Variants in EREG observed in about 807,000 individuals in gnomAD.
EREG encodes the protein proepiregulin.
A neutral mutation model predicts 22.4 loss-of-function variants in EREG; 23 were observed. The ratio of observed to expected loss-of-function variants is 1.03; its 90% CI spans 0.74 to 1.46. The LOEUF is 1.46. Among genes scored for constraint, EREG ranks in the 40% most tolerant of loss-of-function variants. The pLI is 0.00. For missense variants in EREG, 226 were observed against 205.9 expected (o/e 1.10, Z -0.60); for synonymous variants, 100 against 75.4 (o/e 1.33, Z -1.69).
At chr4:74,376,700 C>T (rs1021470898) in intron 1 of EREG, among the ~76,000 whole-genome samples, 4 of 152,190 alleles carry the variant, frequency 2.6e-5, no homozygotes, top group Admixed American at 6.5e-5. Context: ...GGGGATAATT[C>T]TGAACTTTAA....
chr4:74,384,707 T>C lies in EREG; in HGVS notation c.429-20T>C. On this transcript the variant is annotated intron_variant, in intron 4 of 4. Transcript: ENST00000244869. Reference sequence around the variant, plus strand: ...GCTATTAACTGCAGTGCTAACAGTTTCGTTTGTGAATATTTCCAGGTACAG... The same window carrying C: ...GCTATTAACTGCAGTGCTAACAGTTCCGTTTGTGAATATTTCCAGGTACAG... 1 of 1,489,550 alleles carries C rather than the reference T, an allele frequency of 6.7e-7. No individual in the cohort carries two copies. Among genetic ancestry groups the C allele is most frequent in the Middle Eastern group, 1.7e-4 (1 of 5,828 alleles). The allele number at this position is 1,489,550 out of a possible 1,614,324, so 92.3% of individuals were successfully genotyped here. A position where few individuals can be genotyped will look rare whatever the true frequency, so the allele number is the denominator to read the frequency against.
rs1347883820 is a variant in EREG at position 74,381,006 on chromosome 4, T to C, written c.155-8T>C. Reference sequence around the variant, plus strand: ...CAGAATATATTCAACTTTCCACTTCTTTTACAGTTCAGACAGAAGACAATC... The same window carrying C: ...CAGAATATATTCAACTTTCCACTTCCTTTACAGTTCAGACAGAAGACAATC... On this transcript the variant is annotated splice_region_variant and splice_polypyrimidine_tract_variant and intron_variant, in intron 2 of 4. Coordinates refer to ENST00000244869, the MANE Select transcript of EREG (RefSeq NM_001432.3). The C allele has an allele frequency of 1.2e-6, 2 of 1,610,368 alleles. No homozygotes were observed. Among genetic ancestry groups the C allele is most frequent in the Non-Finnish European group, 1.7e-6 (2 of 1,178,796 alleles).
chr4:74,379,391 A>G (rs1752435772), intron 1 of EREG, 57 bp from the exon 2 acceptor site: 4 of 1,091,016 alleles, frequency 3.7e-6, no homozygotes, highest in South Asian at 2.5e-5. Flanking sequence ...TAGAAATTTG[A>G]TCAAGATTTC....
chr4:74,383,246 T>C (rs1752510167), intron 4 of EREG, among the ~76,000 whole-genome samples: 1 of 152,186 alleles, frequency 6.6e-6, no homozygotes, highest in African/African-American at 2.4e-5. Context: ...TGTAATATGA[T>C]ATTTCATGTG....
At chr4:74,384,118 T>C (rs1752528227) in intron 4 of EREG, among the ~76,000 whole-genome samples, 1 of 152,188 alleles carries the variant, frequency 6.6e-6, no homozygotes, top group South Asian at 2.1e-4. Context: ...ATGATAAATC[T>C]ATGAATCCTA....
At chr4:74,375,828 G>A (rs536548548) in intron 1 of EREG, among the ~76,000 whole-genome samples, 1 of 152,128 alleles carries the variant, frequency 6.6e-6, no homozygotes, top group African/African-American at 2.4e-5. Flanking sequence ...AATTAATTTT[G>A]CTGTTTTCTT....
chr4:74,382,045 C>T (rs148522811), intron 3 of EREG: 1,634 of 145,574 alleles, frequency 0.011, 16 homozygotes, highest in African/African-American at 0.025. Context: ...TGGCTCAACC[C>T]TGTAACCCCA....
At chr4:74,380,402 C>T (rs997332314) in intron 2 of EREG, among the ~76,000 whole-genome samples, 16 of 152,226 alleles carry the variant, frequency 1.1e-4, no homozygotes, top group African/African-American at 3.9e-4. Context: ...ACAAAGGCTC[C>T]TATTTTCATT....
At chr4:74,373,141 C>T (rs570227295) in intron 1 of EREG, among the ~76,000 whole-genome samples, 39 of 151,920 alleles carry the variant, frequency 2.6e-4, no homozygotes, top group African/African-American at 8.9e-4. Context: ...GAAATACTTC[C>T]GTTATGAACA....
intron 1 of EREG, among the ~76,000 whole-genome samples, chr4:74,372,974 A>ATTTTTT (rs35483998): frequency 9.5e-5 from 6 of 63,150 alleles, no homozygotes; most frequent in African/African-American, 4.0e-4. Flanking sequence ...CATCTGGCTA[A>ATTTTTT]TTTTTTTTTT....
chr4:74,379,413 C>A, intron 1 of EREG, 35 bp from the exon 2 acceptor site: 2 of 1,235,962 alleles, frequency 1.6e-6, no homozygotes, highest in Non-Finnish European at 2.4e-6. Flanking sequence ...TTCCTTAACA[C>A]ATTAGTTATA....
chr4:74,379,045 AC>A (rs1416480192), intron 1 of EREG, among the ~76,000 whole-genome samples: 3 of 152,184 alleles, frequency 2.0e-5, no homozygotes, highest in Admixed American at 2.0e-4. Context: ...GTAAGTGGAA[AC>A]CGATTTTTTA....
chr4:74,388,570 C>T lies in EREG; in HGVS notation c.*3762C>T, dbSNP rs1010391855. On this transcript the variant is annotated 3_prime_UTR_variant, in exon 5 of 5. Transcript: ENST00000244869. ...TAACTTATTTGACTATGAATGTTAT[C>T]GGATTACTGAATTGTATCAATTTGT... 4.6e-5 allele frequency: 7 copies of T among 152,398 alleles called. No homozygotes were observed. Among genetic ancestry groups the T allele is most frequent in the East Asian group, 1.9e-4 (1 of 5,194 alleles). 9.4% of individuals were successfully genotyped at this position (152,398 alleles called of 1,614,324 possible).
At chr4:74,379,779 C>A (rs56197135) in intron 2 of EREG, among the ~76,000 whole-genome samples, 1,968 of 152,160 alleles carry the variant, frequency 0.013, 43 homozygotes, top group African/African-American at 0.045. Context: ...ACAACAACAA[C>A]AAAAAATTGC....
rs1752607629 is a variant in EREG, at chr4:74,388,368, A to T, written c.*3560A>T. The T allele has an allele frequency of 6.6e-6, 1 of 152,414 alleles. No homozygotes were observed. Among genetic ancestry groups the T allele is most frequent in the African/African-American group, 2.4e-5 (1 of 41,458 alleles). The allele number at this position is 152,414 out of a possible 1,614,324, so 9.4% of individuals were successfully genotyped here. A position where few individuals can be genotyped will look rare whatever the true frequency, so the allele number is the denominator to read the frequency against. ...TGTATATTTTAATGTTTTTAAAAAG[A>T]GTAATTTCATTTAAATATCTGTTAT... On this transcript the variant is annotated 3_prime_UTR_variant, in exon 5 of 5. Transcript: ENST00000244869.
Position 74,366,491 on chromosome 4 carries a change from G to A in EREG, c.67+1116G>A, listed in dbSNP as rs76621578. The stretch of plus-strand genomic sequence containing the variant: ...GATATGTGGTTTCTGCCAAAACTGA[G>A]CTAAGAAAGACTTGCTAGAAGATTC... On this transcript the variant is annotated intron_variant, in intron 1 of 4. Coordinates refer to ENST00000244869, the MANE Select transcript of EREG (RefSeq NM_001432.3). Among the ~76,000 whole-genome samples the A allele has an allele frequency of 4.7e-3, 710 of 152,324 alleles. 8 individuals are homozygous for A. The highest frequency in any genetic ancestry group is 0.016 in the African/African-American group (666 of 41,574).
chr4:74,368,860 G>T (rs1237695877), intron 1 of EREG, among the ~76,000 whole-genome samples: 1 of 152,172 alleles, frequency 6.6e-6, no homozygotes, highest in Non-Finnish European at 1.5e-5. Flanking sequence ...GAGATCCTCA[G>T]GGAGGAGTAG....
At position 74,384,793 on chromosome 4, in the gene EREG, G is replaced by T; in HGVS notation, c.495G>T (p.Glu165Asp). 1 of 1,611,612 alleles carries T rather than the reference G, an allele frequency of 6.2e-7. No homozygotes were observed. Among genetic ancestry groups the T allele is most frequent in the Non-Finnish European group, 8.5e-7 (1 of 1,177,896 alleles). Residue 165 changes from glutamate to aspartate, a missense_variant, in exon 5 of 5, where the codon GAG becomes GAT. Physicochemically the swap from Glu to Asp is conservative, Grantham distance 45 (BLOSUM62 2). Transcript: ENST00000244869. ...EYERVTSGDP[E>D]LPQV The stretch of plus-strand genomic sequence containing the variant: ...AGAGAGTTACCTCAGGGGATCCAGA[G>T]TTGCCGCAAGTCTGAATGGCGCCAT...
chr4:74,376,481 T>C (rs1240131231), intron 1 of EREG, among the ~76,000 whole-genome samples: 3 of 152,238 alleles, frequency 2.0e-5, no homozygotes, highest in African/African-American at 7.2e-5. Context: ...GGTGAAATTA[T>C]TATTGGGATA....
Sources: allele counts gnomAD v4.1 joint callset (sites outside exome capture counted in the v4.1 genomes callset), GRCh38; gene constraint gnomAD v4.1.1; transcripts MANE v1.5; gene names NCBI Gene and HGNC (gene_info 2026-07-23, HGNC 2026-07-21).